SLC10A7: variants seen among roughly 807,000 people sequenced by gnomAD.
SLC10A7 encodes sodium/bile acid cotransporter 7.
SLC10A7 carries 29 observed loss-of-function variants against 43.2 expected under a neutral mutation model. That is an observed-to-expected ratio of 0.67 (90% CI 0.50 to 0.92). The LOEUF (loss-of-function observed/expected upper bound fraction) is 0.92, where lower values mean the gene tolerates loss of function less well. Ranked by LOEUF, SLC10A7 falls within the 40% of genes least tolerant of loss-of-function variation. The probability of loss-of-function intolerance (pLI) is 0.00; values close to 1 mark genes in which losing one functional copy is unlikely to be tolerated. For synonymous variants in SLC10A7, 152 were observed against 144.8 expected, an observed-to-expected ratio of 1.05 and a Z score of -0.35; for missense variants, 295 against 403.2, an observed-to-expected ratio of 0.73 and a Z score of 2.30.
rs531720523 is a variant in SLC10A7, at chr4:146,355,998, C to G, written c.436-30002G>C. Reference sequence around the variant, plus strand: ...GGCACATGTATACATATGTAACTAACCTGCACAATGTGCACATGTACCCTA... The same window carrying G: ...GGCACATGTATACATATGTAACTAAGCTGCACAATGTGCACATGTACCCTA... On this transcript the variant is annotated intron_variant, in intron 5 of 11. Transcript: ENST00000335472. Among the ~76,000 whole-genome samples, 12 of 147,846 alleles carry G rather than the reference C, an allele frequency of 8.1e-5. No individual in the cohort carries two copies. In the East Asian group the frequency reaches 2.4e-3, roughly 29 times the overall value.
intron 5 of SLC10A7, among the ~76,000 whole-genome samples, chr4:146,431,552 G>A (rs1215480718): frequency 1.3e-5 from 2 of 151,928 alleles, no homozygotes; most frequent in Non-Finnish European, 2.9e-5. Flanking sequence ...GGAAAAAATG[G>A]ACAAATGTGA....
At chr4:146,380,915 T>A (rs1579042545) in intron 5 of SLC10A7, among the ~76,000 whole-genome samples, 1 of 152,168 alleles carries the variant, frequency 6.6e-6, no homozygotes, top group African/African-American at 2.4e-5. Context: ...GATATACACC[T>A]AAGCATTTAT....
At chr4:146,505,465 T>C (rs567614784) in intron 3 of SLC10A7, among the ~76,000 whole-genome samples, 2 of 152,006 alleles carry the variant, frequency 1.3e-5, no homozygotes, top group Admixed American at 1.3e-4. Context: ...TTTTGGGGAG[T>C]CAAAAGTTAT....
At chr4:146,307,807 A>C (rs1731686620) in intron 6 of SLC10A7, among the ~76,000 whole-genome samples, 1 of 152,092 alleles carries the variant, frequency 6.6e-6, no homozygotes. Flanking sequence ...TCCTCTTTCT[A>C]TCTCAACTTT....
intron 5 of SLC10A7, among the ~76,000 whole-genome samples, chr4:146,432,257 A>G (rs2149871927): frequency 6.6e-6 from 1 of 152,276 alleles, no homozygotes; most frequent in African/African-American, 2.4e-5. Context: ...TATACTCACT[A>G]TATGACTCAG....
intron 10 of SLC10A7, among the ~76,000 whole-genome samples, chr4:146,268,341 G>A (rs1279706663): frequency 6.6e-6 from 1 of 152,084 alleles, no homozygotes; most frequent in Non-Finnish European, 1.5e-5. Flanking sequence ...ATCAGGCCTG[G>A]AAAAGGAGGA....
intron 4 of SLC10A7, among the ~76,000 whole-genome samples, chr4:146,454,691 C>T (rs931774621): frequency 2.6e-5 from 4 of 151,742 alleles, no homozygotes; most frequent in African/African-American, 7.3e-5. Context: ...TTGAACAATG[C>T]TGTGCACATA....
intron 5 of SLC10A7, among the ~76,000 whole-genome samples, chr4:146,337,407 A>G (rs1007898164): frequency 2.6e-5 from 4 of 152,002 alleles, no homozygotes; most frequent in African/African-American, 9.7e-5. Context: ...TATTAGTAGC[A>G]CTGCAAACAT....
chr4:146,303,406 C>A, intron 7 of SLC10A7, among the ~76,000 whole-genome samples: 1 of 141,264 alleles, frequency 7.1e-6, no homozygotes, highest in Non-Finnish European at 1.5e-5. Context: ...CATAAAGAGT[C>A]TTGCTCTGTT....
At chr4:146,257,031 T>C in intron 11 of SLC10A7, 4 of 849,074 alleles carry the variant, frequency 4.7e-6, no homozygotes, top group African/African-American at 1.7e-5. Flanking sequence ...AGCTTTTAAA[T>C]GTTTGGAAGA....
intron 4 of SLC10A7, among the ~76,000 whole-genome samples, chr4:146,448,266 AT>A (rs1410809676): frequency 6.6e-6 from 1 of 152,086 alleles, no homozygotes; most frequent in African/African-American, 2.4e-5. Flanking sequence ...ACTTAAAAAA[AT>A]GGGGAAAAAC....
At chr4:146,443,754 A>C (rs79716275) in intron 4 of SLC10A7, among the ~76,000 whole-genome samples, 6,359 of 152,334 alleles carry the variant, frequency 0.042, 194 homozygotes, top group South Asian at 0.15. Flanking sequence ...GCTGTAGCTG[A>C]AAATGCCTTC....
chr4:146,481,992 G>A (rs1734515095), intron 4 of SLC10A7, among the ~76,000 whole-genome samples: 2 of 152,154 alleles, frequency 1.3e-5, no homozygotes, highest in Admixed American at 6.5e-5. Context: ...GGCACCCACA[G>A]TCATTACTAA....
At chr4:146,306,513 G>A (rs192551683) in intron 6 of SLC10A7, among the ~76,000 whole-genome samples, 286 of 152,208 alleles carry the variant, frequency 1.9e-3, no homozygotes, top group Non-Finnish European at 2.8e-3. Context: ...TAGCAAATGG[G>A]AAATCCTGAA....
intron 11 of SLC10A7, among the ~76,000 whole-genome samples, 198 bp downstream of exon 11, chr4:146,258,494 C>T (rs1728016541): frequency 6.6e-6 from 1 of 152,174 alleles, no homozygotes; most frequent in Non-Finnish European, 1.5e-5. Flanking sequence ...TCTTTTATAA[C>T]AATTTAAAAT....
At chr4:146,309,997 G>T (rs1236980624) in intron 6 of SLC10A7, among the ~76,000 whole-genome samples, 1 of 152,040 alleles carries the variant, frequency 6.6e-6, no homozygotes, top group Non-Finnish European at 1.5e-5. Context: ...TTAGTCCCCA[G>T]TGTCTCTTGT....
chr4:146,338,711 A>C (rs1376514376), intron 5 of SLC10A7, among the ~76,000 whole-genome samples: 1 of 151,950 alleles, frequency 6.6e-6, no homozygotes, highest in Non-Finnish European at 1.5e-5. Flanking sequence ...TTTATTTCTG[A>C]TACCACACTG....
At chr4:146,501,905 C>A (rs193106804) in intron 4 of SLC10A7, among the ~76,000 whole-genome samples, 67 of 152,244 alleles carry the variant, frequency 4.4e-4, no homozygotes, top group Non-Finnish European at 4.1e-4. Context: ...AATCCAATCA[C>A]GTTTACTGTC....
At chr4:146,462,071 A>G (rs1364988399) in intron 4 of SLC10A7, among the ~76,000 whole-genome samples, 1 of 151,954 alleles carries the variant, frequency 6.6e-6, no homozygotes, top group African/African-American at 2.4e-5. Flanking sequence ...ATTTAGTTTT[A>G]TTTTTTCAAA....
Sources: gnomAD v4.1 joint callset for allele counts (sites outside exome capture counted in the v4.1 genomes callset) on GRCh38, gnomAD v4.1.1 for gene constraint, MANE v1.5 for transcripts, NCBI Gene and HGNC (gene_info 2026-07-23, HGNC 2026-07-21) for gene names.